The following CD27 variants were observed in gnomAD, a reference collection of about 807,000 sequenced individuals.
CD27 encodes CD27 antigen.
Under a neutral mutation model 25.9 loss-of-function variants are expected in CD27, and 16 were observed. The observed-to-expected ratio is 0.62, with a 90% CI of 0.42 to 0.94. CD27 has a LOEUF of 0.94. Among genes scored for constraint, CD27 ranks in the 40% least tolerant of loss-of-function variants. The pLI is 0.00. For missense variants in CD27, 300 were observed against 333.2 expected, an observed-to-expected ratio of 0.90 and a Z score of 0.78; for synonymous variants, 142 against 124.3, an observed-to-expected ratio of 1.14 and a Z score of -0.95.
rs758440909 is a variant in CD27 at position 6,450,302 on chromosome 12, C to T, written c.398C>T (p.Ser133Phe). 1 of 1,613,638 alleles carries T rather than the reference C, an allele frequency of 6.2e-7. No homozygotes were observed. The highest frequency in any genetic ancestry group is 1.1e-5 in the South Asian group (1 of 91,084). Residue 133 changes from serine to phenylalanine, a missense_variant, in exon 3 of 6, where the codon TCT (serine) becomes TTT (phenylalanine). Physicochemically the swap from Ser to Phe is radical, Grantham distance 155. Coordinates refer to ENST00000266557, the MANE Select transcript of CD27 (RefSeq NM_001242.5). This position sits in a 1 kb window ranked among gnomAD's most constrained non-coding sequence, Gnocchi z 4.1. The stretch of plus-strand genomic sequence containing the variant: ...AACCCTTCGCTGACCGCTCGGTCGT[C>T]TCAGGCCCTGAGCCCACACCCTCAG... ...LPNPSLTARS[S>F]QALSPHPQPT...
intron 2 of CD27, among the ~76,000 whole-genome samples, chr12:6,449,128 T>C (rs1393859063): frequency 9.2e-5 from 14 of 151,794 alleles, no homozygotes; most frequent in Non-Finnish European, 1.5e-5. Flanking sequence ...CCCCAGTAGC[T>C]TGGGCCTACA....
rs1049921979 is a variant in CD27 at position 6,445,692 on chromosome 12, C to A, written c.268+137C>A. The stretch of plus-strand genomic sequence containing the variant: ...TCTTCAAGGCTCACAGCAAGTGGAG[C>A]CAATGCTGGGAAATGCGGCACCCTA... On this transcript the variant is annotated intron_variant, in intron 2 of 5. Coordinates refer to ENST00000266557, the MANE Select transcript of CD27 (RefSeq NM_001242.5). This position sits in a 1 kb window ranked among gnomAD's most constrained non-coding sequence, Gnocchi z 4.5. 4 of 1,170,238 alleles carry A rather than the reference C, an allele frequency of 3.4e-6. No individual in the cohort carries two copies. The highest frequency in any genetic ancestry group is 2.3e-6 in the Non-Finnish European group (2 of 852,130). The allele number at this position is 1,170,238 out of a possible 1,614,324, so 72.5% of individuals were successfully genotyped here. A position where few individuals can be genotyped will look rare whatever the true frequency, so the allele number is the denominator to read the frequency against.
In CD27 at chr12:6,450,932, C is replaced by T; in HGVS notation, c.576C>T (p.Ile192=). ...RSLCSSDFIR[I]LVIFSGMFLV... ...TGTGCAGCTCCGATTTTATTCGCAT[C>T]CTTGTGATCTTCTCTGGAATGTTCC... Residue 192 remains isoleucine (I), a synonymous_variant, in exon 5 of 6, where the codon ATC becomes ATT. Coordinates refer to ENST00000266557, the MANE Select transcript of CD27 (RefSeq NM_001242.5). The surrounding 1 kb of genome is among the most constrained non-coding windows in gnomAD (Gnocchi z 4.1). 3 of 1,614,164 alleles carry T rather than the reference C, an allele frequency of 1.9e-6. No homozygotes were observed. The highest frequency in any genetic ancestry group is 2.5e-6 in the Non-Finnish European group (3 of 1,179,998).
chr12:6,449,651 C>G (rs1949482838), intron 2 of CD27, among the ~76,000 whole-genome samples: 1 of 152,054 alleles, frequency 6.6e-6, no homozygotes, highest in Non-Finnish European at 1.5e-5. Context: ...GAGTTTAATA[C>G]CAGCCTGGCC....
At position 6,445,338 on chromosome 12, in the gene CD27, A is replaced by T; in HGVS notation, c.137-86A>T. On this transcript the variant is annotated intron_variant, in intron 1 of 5. Coordinates refer to ENST00000266557, the MANE Select transcript of CD27 (RefSeq NM_001242.5). This position sits in a 1 kb window ranked among gnomAD's most constrained non-coding sequence, Gnocchi z 4.5. Reference sequence around the variant, plus strand: ...AGACTGAGCTCAAGCAAGGAGGGAAATCCTGCAGCTGTGGGGAGGCACCAC... The same window carrying T: ...AGACTGAGCTCAAGCAAGGAGGGAATTCCTGCAGCTGTGGGGAGGCACCAC... The T allele has an allele frequency of 6.2e-7, 1 of 1,608,256 alleles. No homozygotes were observed. Among genetic ancestry groups the T allele is most frequent in the Non-Finnish European group, 8.5e-7 (1 of 1,176,032 alleles).
At chr12:6,446,470 T>TAAAAAC (rs1241003452) in intron 2 of CD27, among the ~76,000 whole-genome samples, 3 of 152,130 alleles carry the variant, frequency 2.0e-5, no homozygotes, top group South Asian at 2.1e-4. Flanking sequence ...CCTGGTCCCG[T>TAAAAAC]AAAAACAAAA....
chr12:6,444,134 G>C (rs955720703), upstream of CD27, among the ~76,000 whole-genome samples: 8 of 152,188 alleles, frequency 5.3e-5, no homozygotes, highest in African/African-American at 1.9e-4. Context: ...GAAAGGGGAG[G>C]ATAAAGATGG....
chr12:6,444,944 A>C, upstream of CD27: 12 of 753,110 alleles, frequency 1.6e-5, no homozygotes, highest in Non-Finnish European at 1.8e-5. Flanking sequence ...CAGCCACAAT[A>C]GAGATTCTGC....
At chr12:6,446,117 T>C (rs1357538697) in intron 2 of CD27, among the ~76,000 whole-genome samples, 1 of 152,228 alleles carries the variant, frequency 6.6e-6, no homozygotes, top group Non-Finnish European at 1.5e-5. Context: ...ATGCTGTTAT[T>C]ATTTCTCCAT....
At position 6,451,307 on chromosome 12, in the gene CD27, A is replaced by T. The variant is rs2532502; in HGVS notation, c.698A>T (p.His233Leu). 6.2e-7 allele frequency: 1 copy of T among 1,614,104 alleles called. No homozygotes were observed. Among genetic ancestry groups the T allele is most frequent in the South Asian group, 1.1e-5 (1 of 91,076 alleles). ...CCTGTGGAGCCTGCAGAGCCTTGTCATTACAGCTGCCCCAGGGAGGAGGAG... is the reference window on the plus strand; with the variant it reads ...CCTGTGGAGCCTGCAGAGCCTTGTCTTTACAGCTGCCCCAGGGAGGAGGAG... ...ESPVEPAEPC[H>L]YSCPREEEGS... The change falls in exon 6 of 6, where the codon CAT (histidine) becomes CTT (leucine). Residue 233 changes from histidine to leucine, a missense_variant. Physicochemically the swap from His to Leu is moderately conservative, Grantham distance 99. Coordinates refer to ENST00000266557, the MANE Select transcript of CD27 (RefSeq NM_001242.5).
chr12:6,446,344 C>T (rs1395649356), intron 2 of CD27, among the ~76,000 whole-genome samples: 1 of 152,210 alleles, frequency 6.6e-6, no homozygotes, highest in African/African-American at 2.4e-5. Context: ...CTCTGTCACC[C>T]AGGCTGGAGT....
At position 6,445,103 on chromosome 12, in the gene CD27, G is replaced by A. The variant is rs776469650; in HGVS notation, c.8G>A (p.Arg3Gln). 4.7e-5 allele frequency: 75 copies of A among 1,604,412 alleles called. No homozygotes were observed. Among genetic ancestry groups the A allele is most frequent in the East Asian group, 6.7e-5 (3 of 44,618 alleles). Residue 3 changes from arginine (R) to glutamine (Q), a missense_variant, in exon 1 of 6, where the codon CGG (arginine) becomes CAG (glutamine). Arg to Gln is a conservative substitution (Grantham distance 43). Transcript: ENST00000266557. The surrounding 1 kb of genome is among the most constrained non-coding windows in gnomAD (Gnocchi z 4.5). MA[R>Q]PHPWWLCVLG... ...GCCGCCTGGGCAGGGACCATGGCAC[G>A]GCCACATCCCTGGTGGCTGTGCGTT...
Position 6,445,259 on chromosome 12 carries a change from G to A in CD27, c.136+28G>A, listed in dbSNP as rs747271704. ...AAGAGGGGGCCTTGGTAAGGGCCAG[G>A]TGAGTGGCGAAAGAGAGAGGACTGG... On this transcript the variant is annotated intron_variant, in intron 1 of 5. Transcript: ENST00000266557. This position sits in a 1 kb window ranked among gnomAD's most constrained non-coding sequence, Gnocchi z 4.5. The A allele has an allele frequency of 1.2e-6, 2 of 1,613,338 alleles. No homozygotes were observed. The highest frequency in any genetic ancestry group is 8.5e-7 in the Non-Finnish European group (1 of 1,179,738).
chr12:6,444,988 C>G lies in CD27; in HGVS notation c.-108C>G, dbSNP rs1949391725. On this transcript the variant is annotated 5_prime_UTR_variant, in exon 1 of 6. Coordinates refer to ENST00000266557, the MANE Select transcript of CD27 (RefSeq NM_001242.5). ...GTTGGCTTGCCACCTGAAGCAGCCA[C>G]TGCCCAGGGGGTGCAAAGAAGAGAC... 1 of 1,294,096 alleles carries G rather than the reference C, an allele frequency of 7.7e-7. No individual in the cohort carries two copies. The allele number at this position is 1,294,096 out of a possible 1,614,324, so 80.2% of individuals were successfully genotyped here. A position where few individuals can be genotyped will look rare whatever the true frequency, so the allele number is the denominator to read the frequency against.
chr12:6,451,054 C>A (rs1364205926), intron 5 of CD27, 40 bp downstream of exon 5: 1 of 1,612,886 alleles, frequency 6.2e-7, no homozygotes, highest in Non-Finnish European at 8.5e-7. Context: ...TGCCCCTGCA[C>A]CACACCCCAC....
In CD27 at chr12:6,445,546, T is replaced by C; in HGVS notation, c.259T>C (p.Cys87Arg). ...GCCCCACTGTGAGAGCTGTCGGCAC[T>C]GTAACTCTGGTGAGGTGGGCAAGGG... The part of the protein sequence containing the change: ...TRPHCESCRH[C>R]NSGLLVRNCT... The change falls in exon 2 of 6, where the codon TGT (cysteine) becomes CGT (arginine). Residue 87 changes from cysteine to arginine, a missense_variant. By Grantham distance (180) the Cys-to-Arg change is radical. Transcript: ENST00000266557. The surrounding 1 kb of genome is among the most constrained non-coding windows in gnomAD (Gnocchi z 4.5). 6.2e-7 allele frequency: 1 copy of C among 1,613,610 alleles called. No individual in the cohort carries two copies. Among genetic ancestry groups the C allele is most frequent in the Non-Finnish European group, 8.5e-7 (1 of 1,179,984 alleles).
chr12:6,444,284 C>T (rs559501466), upstream of CD27, among the ~76,000 whole-genome samples: 3 of 152,308 alleles, frequency 2.0e-5, no homozygotes, highest in South Asian at 2.1e-4. Context: ...GGCAGCTCTA[C>T]ACCCCTTGCT....
At chr12:6,451,118 C>T (rs1317630851) in intron 5 of CD27, 104 bp downstream of exon 5, 7 of 1,562,916 alleles carry the variant, frequency 4.5e-6, no homozygotes, top group Middle Eastern at 2.0e-4. Flanking sequence ...ACCAGCTCCA[C>T]TTCACCAGCC....
upstream of CD27, chr12:6,444,895 A>C: frequency 3.6e-6 from 2 of 550,114 alleles, no homozygotes; most frequent in Non-Finnish European, 3.2e-6. Context: ...CGGAAGGGGA[A>C]GGGGGTGGAG....
Sources: allele counts gnomAD v4.1 joint callset (sites outside exome capture counted in the v4.1 genomes callset), GRCh38; gene constraint gnomAD v4.1.1; non-coding constraint Gnocchi (gnomAD v3.1); transcripts MANE v1.5; gene names NCBI Gene and HGNC (gene_info 2026-07-23, HGNC 2026-07-21).